Variants in PHACTR1 observed in about 807,000 individuals in gnomAD.
PHACTR1 encodes phosphatase and actin regulator 1, also known as RPEL repeat containing 1.
A neutral mutation model predicts 69.2 loss-of-function variants in PHACTR1; 16 were observed. That is an observed-to-expected ratio of 0.23 (90% confidence interval 0.16 to 0.35). The LOEUF (loss-of-function observed/expected upper bound fraction) is 0.35, where lower values mean the gene tolerates loss of function less well. Among genes scored for constraint, PHACTR1 ranks in the 10% least tolerant of loss-of-function variants. The pLI, the probability that PHACTR1 is intolerant of heterozygous loss-of-function variation, is 1.00. For missense variants in PHACTR1, 510 were observed against 734.7 expected (o/e 0.69, Z 3.54); for synonymous variants, 312 against 284.5 (o/e 1.10, Z -0.97).
intron 7 of PHACTR1, chr6:13,196,427 T>TTTTGTTTTTTTTTA (rs987890135): frequency 6.0e-6 from 1 of 165,462 alleles, no homozygotes; most frequent in Non-Finnish European, 1.3e-5. Flanking sequence ...TTTCTTTTTT[T>TTTTGTTTTTTTTTA]TTTTGTTTTT....
intron 4 of PHACTR1, among the ~76,000 whole-genome samples, chr6:12,865,549 CTCTT>C (rs965540466): frequency 2.6e-5 from 4 of 152,256 alleles, no homozygotes; most frequent in African/African-American, 7.2e-5. Flanking sequence ...TCTTTTCACT[CTCTT>C]TAATGGGCAC....
chr6:12,890,955 C>T (rs1476832049), intron 4 of PHACTR1, among the ~76,000 whole-genome samples: 4 of 152,154 alleles, frequency 2.6e-5, no homozygotes, highest in African/African-American at 9.7e-5. Context: ...ATCCCAGTTG[C>T]TGATAATAAT....
chr6:13,069,257 A>C (rs1299769077), intron 5 of PHACTR1, among the ~76,000 whole-genome samples: 2 of 152,106 alleles, frequency 1.3e-5, no homozygotes. Flanking sequence ...CAGTCCTCGC[A>C]CTGTTTCTGC....
intron 4 of PHACTR1, among the ~76,000 whole-genome samples, chr6:12,790,307 G>T (rs1772105089): frequency 6.6e-6 from 1 of 152,054 alleles, no homozygotes. Context: ...ACCCTGATGG[G>T]CCACAATGAC....
chr6:13,241,419 T>TGG (rs1485622718), intron 10 of PHACTR1, among the ~76,000 whole-genome samples: 4 of 152,022 alleles, frequency 2.6e-5, no homozygotes, highest in Non-Finnish European at 5.9e-5. Flanking sequence ...TTGGGCCGGG[T>TGG]GGGAGGTGGC....
rs13196441 is a variant in PHACTR1, at chr6:13,218,539, G to T, written c.987-9277G>T. 4.3e-3 allele frequency among the ~76,000 whole-genome samples: 650 copies of T among 152,114 alleles called. 24 individuals are homozygous for T. In the East Asian group the frequency reaches 0.095, roughly 22 times the overall value. On this transcript the variant is annotated intron_variant, in intron 8 of 14. Coordinates refer to ENST00000332995, the MANE Select transcript of PHACTR1 (RefSeq NM_030948.6). ...GTCTAGAGATCCCTTAAAAATATTC[G>T]GCCATTGAAATGGTGGGAAAAGGCC...
At position 13,227,901 on chromosome 6, in the gene PHACTR1, G is replaced by A; in HGVS notation, c.1072G>A (p.Gly358Ser). The change falls in exon 9 of 15, where the codon GGC (glycine) becomes AGC (serine). Residue 358 changes from glycine to serine, a missense_variant. Gly to Ser is a moderately conservative substitution (Grantham distance 56). Around this residue, in one of 2 missense-constraint regions of PHACTR1, gnomAD observed 419 missense variants for 530.9 expected, o/e 0.79. Coordinates refer to ENST00000332995, the MANE Select transcript of PHACTR1 (RefSeq NM_030948.6). ...GDGVTKAGPM[G>S]LPEIRQVPTV... ...TGGGGTCACCAAAGCAGGACCTATG[G>A]GCCTTCCAGAAATAAGACAAGTGCC... The A allele has an allele frequency of 1.2e-6, 2 of 1,613,966 alleles. No homozygotes were observed. The highest frequency in any genetic ancestry group is 1.7e-6 in the Non-Finnish European group (2 of 1,179,882).
intron 4 of PHACTR1, among the ~76,000 whole-genome samples, chr6:12,925,881 C>T (rs1240842900): frequency 2.6e-5 from 4 of 152,184 alleles, no homozygotes; most frequent in African/African-American, 7.2e-5. Flanking sequence ...GCCTGTCTCT[C>T]GTGTATCTTC....
intron 4 of PHACTR1, among the ~76,000 whole-genome samples, chr6:12,764,422 A>G (rs1768375086): frequency 6.6e-6 from 1 of 152,210 alleles, no homozygotes; most frequent in Non-Finnish European, 1.5e-5. Context: ...TATCTTTTCA[A>G]AATTATAGCT....
rs563400401 is a variant in PHACTR1, at chr6:13,277,655, A to C, written c.1448-613A>C. The stretch of plus-strand genomic sequence containing the variant: ...TGTGTGTCCCCGTGTCAACATTCCC[A>C]CCCACCTCCTTGGGCTGTGCGGTGG... On this transcript the variant is annotated intron_variant, in intron 11 of 14. Coordinates refer to ENST00000332995, the MANE Select transcript of PHACTR1 (RefSeq NM_030948.6). 7.9e-5 allele frequency among the ~76,000 whole-genome samples: 12 copies of C among 151,988 alleles called. No homozygotes were observed. The East Asian group carries it at 2.1e-3, about 27-fold the overall frequency.
At chr6:13,210,225 A>G (rs6458718) in intron 8 of PHACTR1, among the ~76,000 whole-genome samples, 100,908 of 151,760 alleles carry the variant, frequency 0.66, 34,051 homozygotes, top group Admixed American at 0.72. Context: ...ATGTTGCCCA[A>G]ACTGGCATCG....
intron 5 of PHACTR1, among the ~76,000 whole-genome samples, chr6:13,055,251 A>G (rs964003906): frequency 6.6e-6 from 1 of 151,942 alleles, no homozygotes; most frequent in African/African-American, 2.4e-5. Context: ...AAGTCCCACC[A>G]CTCTGACTCT....
intron 4 of PHACTR1, among the ~76,000 whole-genome samples, chr6:12,941,839 T>C (rs191001869): frequency 1.8e-4 from 28 of 152,282 alleles, no homozygotes; most frequent in African/African-American, 6.5e-4. Context: ...TAGAAAAATA[T>C]GTAAAGTGAA....
intron 4 of PHACTR1, among the ~76,000 whole-genome samples, chr6:12,898,729 G>A (rs1046554162): frequency 3.3e-5 from 5 of 152,168 alleles, no homozygotes; most frequent in African/African-American, 1.2e-4. Context: ...CTCTCTGTCG[G>A]CCGCAATCTG....
chr6:12,974,914 T>A lies in PHACTR1; in HGVS notation c.251-78451T>A, dbSNP rs548542893. ...CCTCCAAGTTATTCCAATTTAAGTGTGTAGAAATTGGGGTATGTATTCACT... is the reference window on the plus strand; with the variant it reads ...CCTCCAAGTTATTCCAATTTAAGTGAGTAGAAATTGGGGTATGTATTCACT... On this transcript the variant is annotated intron_variant, in intron 4 of 14. Transcript: ENST00000332995. Among the ~76,000 whole-genome samples the A allele has an allele frequency of 2.6e-5, 4 of 152,248 alleles. No individual in the cohort carries two copies. The East Asian group carries it at 5.8e-4, about 22-fold the overall frequency.
intron 5 of PHACTR1, among the ~76,000 whole-genome samples, chr6:13,158,377 G>C (rs185509498): frequency 1.3e-5 from 2 of 152,210 alleles, no homozygotes; most frequent in African/African-American, 4.8e-5. Context: ...CCTGCACCCA[G>C]CTTTCCCCCT....
chr6:12,977,728 A>G (rs1179027708), intron 4 of PHACTR1, among the ~76,000 whole-genome samples: 1 of 152,108 alleles, frequency 6.6e-6, no homozygotes, highest in Non-Finnish European at 1.5e-5. Flanking sequence ...CTAGATCTCC[A>G]TCTTGAGAAA....
At chr6:13,083,943 C>T (rs1811834377) in intron 5 of PHACTR1, among the ~76,000 whole-genome samples, 1 of 152,130 alleles carries the variant, frequency 6.6e-6, no homozygotes, top group Non-Finnish European at 1.5e-5. Flanking sequence ...TTGTTCCCTT[C>T]TCCTGCCTGA....
chr6:12,969,849 G>C (rs60153079), intron 4 of PHACTR1, among the ~76,000 whole-genome samples: 2,648 of 152,264 alleles, frequency 0.017, 62 homozygotes, highest in African/African-American at 0.06. Context: ...TATAATCCCA[G>C]CTACTCAGGA....
Sources: allele counts gnomAD v4.1 joint callset (sites outside exome capture counted in the v4.1 genomes callset), GRCh38; gene constraint gnomAD v4.1.1; regional missense constraint gnomAD v4.1.1; transcripts MANE v1.5; gene names NCBI Gene and HGNC (gene_info 2026-07-23, HGNC 2026-07-21).